The following TAX1BP1 variants were observed in gnomAD, a reference collection of about 807,000 sequenced individuals.
TAX1BP1 encodes the protein Tax1 binding protein 1.
Under a neutral mutation model 97.7 loss-of-function variants are expected in TAX1BP1, and 62 were observed. That is an observed-to-expected ratio of 0.63 (90% CI 0.52 to 0.78). The LOEUF is 0.78. Among genes scored for constraint, TAX1BP1 ranks in the 30% least tolerant of loss-of-function variants. The probability of loss-of-function intolerance (pLI) is 0.00; values close to 1 mark genes in which losing one functional copy is unlikely to be tolerated. For synonymous variants in TAX1BP1, 340 were observed against 304.2 expected (o/e 1.12, Z -1.23); for missense variants, 867 against 916.1 (o/e 0.95, Z 0.69).
At chr7:27,783,853 CA>C (rs1418003321) in intron 5 of TAX1BP1, among the ~76,000 whole-genome samples, 5 of 152,250 alleles carry the variant, frequency 3.3e-5, no homozygotes, top group African/African-American at 1.2e-4. Flanking sequence ...TGCCCAATTT[CA>C]CAGCAATCAT....
intron 3 of TAX1BP1, among the ~76,000 whole-genome samples, chr7:27,763,407 A>C (rs1305823610): frequency 6.6e-6 from 1 of 152,184 alleles, no homozygotes; most frequent in Non-Finnish European, 1.5e-5. Flanking sequence ...AATTATGTCT[A>C]TCTCAAATGG....
intron 2 of TAX1BP1, among the ~76,000 whole-genome samples, chr7:27,756,041 C>A (rs1788198872): frequency 6.6e-6 from 1 of 152,152 alleles, no homozygotes; most frequent in Non-Finnish European, 1.5e-5. Flanking sequence ...GCAGCAAGTT[C>A]TAGCCCGGTG....
chr7:27,747,898 A>G (rs144801854), intron 1 of TAX1BP1, among the ~76,000 whole-genome samples: 1 of 151,878 alleles, frequency 6.6e-6, no homozygotes, highest in Non-Finnish European at 1.5e-5. Flanking sequence ...TAATGATTCT[A>G]ATGTGTAACC....
At chr7:27,807,192 C>T (rs920512885) in intron 13 of TAX1BP1, among the ~76,000 whole-genome samples, 1 of 152,118 alleles carries the variant, frequency 6.6e-6, no homozygotes, top group African/African-American at 2.4e-5. Flanking sequence ...GAGGTGAAGA[C>T]ATAACAGTCC....
chr7:27,800,067 G>A lies in TAX1BP1; in HGVS notation c.1741G>A (p.Ala581Thr), dbSNP rs139268186. 16 of 1,590,578 alleles carry A rather than the reference G, an allele frequency of 1.0e-5. No individual in the cohort carries two copies. The African/African-American group carries it at 2.0e-4, about 20-fold the overall frequency. The change falls in exon 13 of 17, where the codon GCT (alanine) becomes ACT (threonine). Residue 581 changes from alanine to threonine, a missense_variant. Physicochemically the swap from Ala to Thr is moderately conservative, Grantham distance 58. Transcript: ENST00000396319. The part of the protein sequence containing the change: ...KIAENVKLEL[A>T]EVQDNYKELK... ...TGCTGAAAATGTAAAACTTGAACTA[G>A]CTGAAGTACAGGACAATTATAAAGT...
At chr7:27,752,694 T>G (rs981521183) in intron 2 of TAX1BP1, among the ~76,000 whole-genome samples, 10 of 152,180 alleles carry the variant, frequency 6.6e-5, no homozygotes, top group Admixed American at 1.3e-4. Context: ...TAGTTTTAAT[T>G]ATAATGAAAA....
intron 5 of TAX1BP1, among the ~76,000 whole-genome samples, chr7:27,782,876 TATA>T (rs1462664470): frequency 2.0e-5 from 3 of 152,252 alleles, no homozygotes; most frequent in Admixed American, 6.5e-5. Context: ...TGCTTTTGTT[TATA>T]ATCAGAATTT....
At chr7:27,776,096 A>G (rs1789024438) in intron 5 of TAX1BP1, among the ~76,000 whole-genome samples, 1 of 152,164 alleles carries the variant, frequency 6.6e-6, no homozygotes, top group African/African-American at 2.4e-5. Flanking sequence ...ATTTTATGCA[A>G]CTTCAAATTT....
intron 2 of TAX1BP1, among the ~76,000 whole-genome samples, chr7:27,754,923 T>C (rs1788154550): frequency 6.6e-6 from 1 of 152,128 alleles, no homozygotes; most frequent in Non-Finnish European, 1.5e-5. Context: ...GTTGCTGGCA[T>C]ATCTCATGCC....
chr7:27,788,658 C>T (rs1789583022), intron 8 of TAX1BP1, among the ~76,000 whole-genome samples: 2 of 151,682 alleles, frequency 1.3e-5, no homozygotes, highest in African/African-American at 4.8e-5. Flanking sequence ...TTTTTCATAC[C>T]CAAATTGTTC....
At chr7:27,805,943 C>A (rs1790319303) in intron 13 of TAX1BP1, among the ~76,000 whole-genome samples, 1 of 152,170 alleles carries the variant, frequency 6.6e-6, no homozygotes, top group South Asian at 2.1e-4. Flanking sequence ...TGACAAAAAC[C>A]CTCCAAGTGT....
At position 27,785,451 on chromosome 7, in the gene TAX1BP1, C is replaced by A; in HGVS notation, c.814C>A (p.Gln272Lys). The A allele has an allele frequency of 1.2e-6, 2 of 1,613,296 alleles. No homozygotes were observed. Among genetic ancestry groups the A allele is most frequent in the South Asian group, 2.2e-5 (2 of 90,852 alleles). Residue 272 changes from glutamine (Q) to lysine (K), a missense_variant, in exon 7 of 17, where the codon CAG (glutamine) becomes AAG (lysine). By Grantham distance (53) the Gln-to-Lys change is moderately conservative. Coordinates refer to ENST00000396319, the MANE Select transcript of TAX1BP1 (RefSeq NM_006024.7). Reference protein sequence around the residue: ...AQHEREQLECQLKTEKDEKEL... With the variant: ...AQHEREQLECKLKTEKDEKEL... ...ACATGAAAGAGAACAACTTGAATGT[C>A]AGTTGAAGACAGAGAAGGATGAAAA...
At chr7:27,784,111 A>T (rs1789372890) in intron 5 of TAX1BP1, among the ~76,000 whole-genome samples, 1 of 152,206 alleles carries the variant, frequency 6.6e-6, no homozygotes, top group Non-Finnish European at 1.5e-5. Context: ...GAGTTCTTTT[A>T]TGTGAATTAA....
chr7:27,776,599 A>T (rs754632772), intron 5 of TAX1BP1, among the ~76,000 whole-genome samples: 1 of 151,634 alleles, frequency 6.6e-6, no homozygotes, highest in Non-Finnish European at 1.5e-5. Flanking sequence ...TAAGTGGTTG[A>T]TTATGTTGTG....
At chr7:27,828,434 CTCTATAAATGGGTTACACAATTG>C (rs1269814034) in intron 16 of TAX1BP1, among the ~76,000 whole-genome samples, 171 bp from the exon 17 acceptor site, 1 of 152,080 alleles carries the variant, frequency 6.6e-6, no homozygotes, top group Non-Finnish European at 1.5e-5. Flanking sequence ...AATTTAGAGG[CTCTATAAATGGGTTACACAATTG>C]TCTACAGCAA....
chr7:27,750,507 T>C (rs1273557384), intron 2 of TAX1BP1, among the ~76,000 whole-genome samples: 2 of 152,192 alleles, frequency 1.3e-5, no homozygotes, highest in Non-Finnish European at 2.9e-5. Flanking sequence ...TTCATGAGAA[T>C]GAGTAAGTCA....
At position 27,816,897 on chromosome 7, in the gene TAX1BP1, A is replaced by C. The variant is rs781308456; in HGVS notation, c.1944A>C (p.Ala648=). The change falls in exon 15 of 17, where the codon GCA becomes GCC. Residue 648 remains alanine, a synonymous_variant. Transcript: ENST00000396319. ...CCAAAAATTTTATTACAGATGGAGCAGATGGTGCTTTTTACCCAGATGAAA... is the reference window on the plus strand; with the variant it reads ...CCAAAAATTTTATTACAGATGGAGCCGATGGTGCTTTTTACCCAGATGAAA... ...PYASQETRDG[A]DGAFYPDEIQ... The C allele has an allele frequency of 6.2e-7, 1 of 1,614,002 alleles. No homozygotes were observed. The highest frequency in any genetic ancestry group is 1.1e-5 in the South Asian group (1 of 91,068).
In TAX1BP1 at chr7:27,796,122, C is replaced by T; in HGVS notation, c.1541C>T (p.Ala514Val). The T allele has an allele frequency of 6.2e-7, 1 of 1,604,574 alleles. No individual in the cohort carries two copies. Among genetic ancestry groups the T allele is most frequent in the Non-Finnish European group, 8.5e-7 (1 of 1,177,232 alleles). ...DVKPSPSAAE[A>V]DFDIVTKGQV... ...ATATTCTGCCTTTCTACAGCAGAGG[C>T]AGATTTTGACATAGTAACAAAGGGG... The change falls in exon 12 of 17, where the codon GCA becomes GTA. Residue 514 changes from alanine (A) to valine (V), a missense_variant. Coordinates refer to ENST00000396319, the MANE Select transcript of TAX1BP1 (RefSeq NM_006024.7).
Position 27,817,022 on chromosome 7 carries a change from A to C in TAX1BP1, c.2069A>C (p.Asp690Ala), listed in dbSNP as rs1790796060. ...RNFSRPDGLE[D>A]SEDSKEDENV... is the part of the protein sequence containing the mutation. ...TTTAGTCGGCCTGATGGCTTAGAGG[A>C]CTCTGAGGATAGCAAAGTAAATTGA... The change falls in exon 15 of 17, where the codon GAC becomes GCC. Residue 690 changes from aspartate to alanine, a missense_variant. This residue lies in a region of TAX1BP1 where 822 missense variants were observed against 851.4 expected (regional missense o/e 0.97). Transcript: ENST00000396319. The C allele has an allele frequency of 1.2e-6, 2 of 1,607,306 alleles. No homozygotes were observed. The highest frequency in any genetic ancestry group is 2.2e-5 in the South Asian group (2 of 90,246).
Sources: allele counts gnomAD v4.1 joint callset (sites outside exome capture counted in the v4.1 genomes callset), GRCh38; gene constraint gnomAD v4.1.1; regional missense constraint gnomAD v4.1.1; transcripts MANE v1.5; gene names NCBI Gene and HGNC (gene_info 2026-07-23, HGNC 2026-07-21).